The following EEF1D variants were observed in gnomAD, a reference collection of about 807,000 sequenced individuals.
The protein encoded by EEF1D is elongation factor 1-delta.
A neutral mutation model predicts 63.9 loss-of-function variants in EEF1D; 47 were observed. The observed-to-expected ratio is 0.74, with a 90% CI of 0.58 to 0.94. EEF1D has a LOEUF of 0.94. EEF1D is among the 40% of genes least tolerant of loss of function. EEF1D has a pLI of 0.00. For synonymous variants in EEF1D, 412 were observed against 386.1 expected (o/e 1.07, Z -0.79); for missense variants, 907 against 899.0 (o/e 1.01, Z -0.11).
At chr8:143,592,179 C>T (rs1002697405) in intron 2 of EEF1D, 33 of 985,342 alleles carry the variant, frequency 3.3e-5, no homozygotes, top group Non-Finnish European at 3.7e-5. Context: ...TGACATCGTG[C>T]GGTGGTACCC....
At chr8:143,596,814 A>G (rs1828911482) in intron 1 of EEF1D, 1 of 152,162 alleles carries the variant, frequency 6.6e-6, no homozygotes, top group Non-Finnish European at 1.5e-5. Flanking sequence ...CGACCACCCT[A>G]TCCAAATCAA....
intron 8 of EEF1D, 58 bp downstream of exon 8, chr8:143,580,448 G>A (rs942809798): frequency 4.1e-5 from 65 of 1,570,060 alleles, no homozygotes; most frequent in Non-Finnish European, 4.2e-5. Flanking sequence ...AGGCTGAGCC[G>A]GCTAGGCGGG....
rs760624568 is a variant in EEF1D, at chr8:143,586,211, G to C, written c.1287+8C>G. ...GAGCCCGCAGGTCCGTGGGCCGCGG[G>C]TACTCACTCCAGCCAGGGATTTCTG... On this transcript the variant is annotated splice_region_variant and intron_variant, in intron 5 of 9. Coordinates refer to ENST00000618139, the MANE Select transcript of EEF1D (RefSeq NM_001130053.5). 5 of 1,607,928 alleles carry C rather than the reference G, an allele frequency of 3.1e-6. No homozygotes were observed. Among genetic ancestry groups the C allele is most frequent in the South Asian group, 2.2e-5 (2 of 90,392 alleles).
intron 3 of EEF1D, 52 bp downstream of exon 3, chr8:143,588,939 G>A (rs534159695): frequency 1.1e-4 from 166 of 1,548,164 alleles, no homozygotes; most frequent in Non-Finnish European, 1.4e-4. Context: ...TGGGATGGCT[G>A]TCCCTGTGCC....
Position 143,589,761 on chromosome 8 carries a change from CGA to C in EEF1D, c.319_320del (p.Ser107GlyfsTer67). 1 of 1,539,804 alleles carries C rather than the reference CGA, an allele frequency of 6.5e-7. No homozygotes were observed. Among genetic ancestry groups the C allele is most frequent in the Non-Finnish European group, 8.7e-7 (1 of 1,144,876 alleles). ...GPADLALLGL[S>X]AERVWLDKSL... ...ACTTGTCCAGCCACACGCGTTCGGC[CGA>C]GAGGCCCAGGAGGGCCAGGTCCGCG... On this transcript the variant is annotated frameshift_variant, in exon 3 of 10. Transcript: ENST00000618139. LOFTEE classifies it high-confidence loss of function.
chr8:143,580,900 C>T (rs1825370743), intron 7 of EEF1D, 154 bp downstream of exon 7: 3 of 1,130,634 alleles, frequency 2.7e-6, no homozygotes, highest in Non-Finnish European at 2.6e-6. Flanking sequence ...CCTCCACCTG[C>T]CCAGGGCTAA....
At chr8:143,593,823 C>T (rs1442882994) in intron 1 of EEF1D, 5 of 982,968 alleles carry the variant, frequency 5.1e-6, no homozygotes, top group African/African-American at 3.5e-5. Context: ...CCCACACGTC[C>T]GAGCCCACCT....
In EEF1D at chr8:143,581,337, C is replaced by T; in HGVS notation, c.1288-9G>A. ...GCCCCGGGGCCTGAGCTCTGCAAGGCAGGAGGAGGGGAGGGCTCAGTGCCC... is the reference window on the plus strand; with the variant it reads ...GCCCCGGGGCCTGAGCTCTGCAAGGTAGGAGGAGGGGAGGGCTCAGTGCCC... On this transcript the variant is annotated splice_polypyrimidine_tract_variant and intron_variant, in intron 5 of 9. Transcript: ENST00000618139. 6.2e-7 allele frequency: 1 copy of T among 1,608,808 alleles called. No individual in the cohort carries two copies. The highest frequency in any genetic ancestry group is 8.5e-7 in the Non-Finnish European group (1 of 1,178,938).
At position 143,589,831 on chromosome 8, in the gene EEF1D, AG is replaced by A; in HGVS notation, c.250del (p.Leu84CysfsTer76). ...GGGGGAGCGCTTCCTCTTTTTCTGC[AG>A]GGGCTTCCTGCTGTCCTGGCTCTTC... is the stretch of plus-strand genomic sequence containing the variant. ...PRKSQDSRKP[L>X]QKKRKRSPKS... On this transcript the variant is annotated frameshift_variant, in exon 3 of 10. Coordinates refer to ENST00000618139, the MANE Select transcript of EEF1D (RefSeq NM_001130053.5). LOFTEE classifies it high-confidence loss of function. 1 of 1,603,910 alleles carries A rather than the reference AG, an allele frequency of 6.2e-7. No homozygotes were observed. The highest frequency in any genetic ancestry group is 8.5e-7 in the Non-Finnish European group (1 of 1,176,806).
At chr8:143,586,396 A>G in intron 4 of EEF1D, 106 bp from the exon 5 acceptor site, 1 of 1,084,816 alleles carries the variant, frequency 9.2e-7, no homozygotes, top group Non-Finnish European at 1.3e-6. Context: ...AGACAGCAAG[A>G]AAGTACTGCA....
At position 143,589,380 on chromosome 8, in the gene EEF1D, C is replaced by T; in HGVS notation, c.702G>A (p.Leu234=). 1.3e-6 allele frequency: 2 copies of T among 1,549,944 alleles called. No homozygotes were observed. The highest frequency in any genetic ancestry group is 1.7e-6 in the Non-Finnish European group (2 of 1,142,872). The change falls in exon 3 of 10, where the codon CTG becomes CTA. Residue 234 remains leucine, a synonymous_variant. Transcript: ENST00000618139. ...SLQALVREVW[L]EKPRYDAAER... is the part of the protein sequence containing the mutation. ...CGGCTGCATCATACCGGGGCTTCTC[C>T]AGCCACACCTCCCGAACCAGTGCCT...
intron 2 of EEF1D, 109 bp downstream of exon 2, chr8:143,592,538 C>T: frequency 1.1e-6 from 1 of 933,262 alleles, no homozygotes. Context: ...GCCCTCTGGG[C>T]AGACTGGGCC....
chr8:143,581,271 GGAC>G lies in EEF1D; in HGVS notation c.1342_1344del (p.Val448del). ...TTCTCCACTTCCAGACTGGCAATCCGGACGACGAGCTCACCGTGGTCTCCGCTG... is the reference window on the plus strand; with the variant it reads ...TTCTCCACTTCCAGACTGGCAATCCGGACGAGCTCACCGTGGTCTCCGCTG... On this transcript the variant is annotated inframe_deletion, in exon 6 of 10. Transcript: ENST00000618139. 1 of 1,612,524 alleles carries G rather than the reference GGAC, an allele frequency of 6.2e-7. No homozygotes were observed. The highest frequency in any genetic ancestry group is 1.1e-5 in the South Asian group (1 of 91,056).
chr8:143,593,778 G>A (rs1247355758), intron 1 of EEF1D: 13 of 852,848 alleles, frequency 1.5e-5, no homozygotes, highest in African/African-American at 3.6e-5. Flanking sequence ...CACTAACAGC[G>A]GGCAGAGAGC....
chr8:143,581,444 G>A, intron 5 of EEF1D, 116 bp from the exon 6 acceptor site: 2 of 908,180 alleles, frequency 2.2e-6, no homozygotes, highest in South Asian at 3.3e-5. Flanking sequence ...AGAGCAGGAG[G>A]TGCCCCCCGC....
At chr8:143,591,550 G>A (rs907453560) in intron 2 of EEF1D, among the ~76,000 whole-genome samples, 16 of 152,226 alleles carry the variant, frequency 1.1e-4, no homozygotes, top group Non-Finnish European at 2.1e-4. Flanking sequence ...AAGCAGAAAC[G>A]CCTGGGCCTA....
At chr8:143,583,920 G>A (rs1826035378) in intron 5 of EEF1D, 1 of 152,322 alleles carries the variant, frequency 6.6e-6, no homozygotes, top group South Asian at 2.1e-4. Context: ...TGAGTGACAA[G>A]ACAGCTGCCT....
At chr8:143,585,221 T>G (rs967609529) in intron 5 of EEF1D, among the ~76,000 whole-genome samples, 5 of 152,158 alleles carry the variant, frequency 3.3e-5, no homozygotes, top group African/African-American at 1.2e-4. Context: ...ATCCTGGACC[T>G]GGGATCCTGG....
intron 1 of EEF1D, chr8:143,597,015 G>A (rs764241649): frequency 6.6e-6 from 1 of 152,238 alleles, no homozygotes; most frequent in African/African-American, 2.4e-5. Flanking sequence ...GCAGATGTCT[G>A]GTCTCCCACG....
Sources: gnomAD v4.1 joint callset for allele counts (sites outside exome capture counted in the v4.1 genomes callset) on GRCh38, gnomAD v4.1.1 for gene constraint, MANE v1.5 for transcripts, NCBI Gene and HGNC (gene_info 2026-07-23, HGNC 2026-07-21) for gene names.